The following RNF144A variants were observed in gnomAD, a reference collection of about 807,000 sequenced individuals.
The protein encoded by RNF144A is ring finger protein 144A, also known as E3 ubiquitin-protein ligase RNF144A.
Under a neutral mutation model 38.7 loss-of-function variants are expected in RNF144A, and 11 were observed. The ratio of observed to expected loss-of-function variants is 0.28; its 90% CI spans 0.18 to 0.47. The LOEUF (loss-of-function observed/expected upper bound fraction) is 0.47, where lower values mean the gene tolerates loss of function less well. Ranked by LOEUF, RNF144A falls within the 20% of genes least tolerant of loss-of-function variation. RNF144A has a pLI of 0.99. For synonymous variants in RNF144A, 149 were observed against 143.9 expected (o/e 1.04, Z -0.25); for missense variants, 316 against 377.2 (o/e 0.84, Z 1.34).
chr2:6,976,654 A>G (rs1016447382), intron 2 of RNF144A, among the ~76,000 whole-genome samples: 4 of 148,848 alleles, frequency 2.7e-5, no homozygotes, highest in Non-Finnish European at 4.5e-5. Flanking sequence ...TTTATTATAT[A>G]TACATTTCAT....
Position 7,020,677 on chromosome 2 carries a change from C to G in RNF144A, c.506C>G (p.Thr169Ser), listed in dbSNP as rs1671467009. ...TMPITFLPGE[T>S]SAAFKMEEDD... Reference sequence around the variant, plus strand: ...CCGATCACCTTCCTCCCCGGGGAGACCAGGTACCCTTTGTACACAAGCTGC... The same window carrying G: ...CCGATCACCTTCCTCCCCGGGGAGAGCAGGTACCCTTTGTACACAAGCTGC... Residue 169 changes from threonine to serine, a missense_variant, in exon 6 of 9, where the codon ACC becomes AGC. Thr to Ser is a moderately conservative substitution (Grantham distance 58). Coordinates refer to ENST00000320892, the MANE Select transcript of RNF144A (RefSeq NM_014746.6). 5.6e-6 allele frequency: 9 copies of G among 1,601,916 alleles called. No individual in the cohort carries two copies. The highest frequency in any genetic ancestry group is 1.7e-5 in the Admixed American group (1 of 60,010).
At position 6,917,745 on chromosome 2, in the gene RNF144A, CTGGGTCCTGCCCCGGCGCCCGG is replaced by C. The variant is rs1200835976; in HGVS notation, c.-212+127_-212+148del. 6.7e-6 allele frequency: 1 copy of C among 148,992 alleles called. No individual in the cohort carries two copies. Among genetic ancestry groups the C allele is most frequent in the Non-Finnish European group, 1.5e-5 (1 of 66,906 alleles). The allele number at this position is 148,992 out of a possible 1,614,324, so 9.2% of individuals were successfully genotyped here. A position where few individuals can be genotyped will look rare whatever the true frequency, so the allele number is the denominator to read the frequency against. ...GGGGCTTGCGGCCGCGCCTGCCCCG[CTGGGTCCTGCCCCGGCGCCCGG>C]TGGCAGCGGGCGGGGGGCAGCGTCC... On this transcript the variant is annotated intron_variant, in intron 1 of 8. Transcript: ENST00000320892. This position sits in a 1 kb window ranked among gnomAD's most constrained non-coding sequence, Gnocchi z 4.8.
intron 2 of RNF144A, among the ~76,000 whole-genome samples, chr2:6,987,513 C>T (rs1237752369): frequency 6.6e-6 from 1 of 152,210 alleles, no homozygotes; most frequent in Non-Finnish European, 1.5e-5. Flanking sequence ...CAAAAGAAAA[C>T]AGTTCCATGT....
chr2:6,997,972 G>A (rs1669868323), intron 3 of RNF144A, among the ~76,000 whole-genome samples: 1 of 152,132 alleles, frequency 6.6e-6, no homozygotes. Context: ...TGGTAACTCT[G>A]TGAGATGATG....
chr2:7,044,115 C>T lies in RNF144A; in HGVS notation c.*4355C>T, dbSNP rs961022012. On this transcript the variant is annotated 3_prime_UTR_variant, in exon 9 of 9. Transcript: ENST00000320892. ...ATGTATTGTGTCTTACGTAGTTTGT[C>T]CCCCCCTTTAGCAGGGATTCCTTTT... is the stretch of plus-strand genomic sequence containing the variant. 9.1e-6 allele frequency: 9 copies of T among 984,606 alleles called. No individual in the cohort carries two copies. Among genetic ancestry groups the T allele is most frequent in the Middle Eastern group, 5.2e-4 (1 of 1,934 alleles). The allele number at this position is 984,606 out of a possible 1,614,324, so 61.0% of individuals were successfully genotyped here. A position where few individuals can be genotyped will look rare whatever the true frequency, so the allele number is the denominator to read the frequency against.
intron 1 of RNF144A, among the ~76,000 whole-genome samples, chr2:6,935,700 G>T (rs28586576): frequency 2.9e-5 from 2 of 69,954 alleles, no homozygotes; most frequent in African/African-American, 9.0e-5. Context: ...GCATGTAGAT[G>T]GGATGGCCTC....
At chr2:7,029,471 C>T (rs770434656) in intron 7 of RNF144A, among the ~76,000 whole-genome samples, 36 of 152,326 alleles carry the variant, frequency 2.4e-4, no homozygotes, top group Non-Finnish European at 1.9e-4. Flanking sequence ...ACAGGTGTTC[C>T]TGGAGTGCAG....
chr2:7,062,644 CCAGATAAAGTTTGCT>C (rs1394917122), intron 6 of RNF144A: 5 of 152,070 alleles, frequency 3.3e-5, no homozygotes, highest in African/African-American at 4.8e-5. Flanking sequence ...AGGAAGAGAG[CCAGATAAAGTTTGCT>C]CACCACTGAT....
intron 6 of RNF144A, 80 bp from the exon 7 acceptor site, chr2:7,024,289 G>C (rs188357541): frequency 1.6e-6 from 2 of 1,254,534 alleles, no homozygotes; most frequent in African/African-American, 1.5e-5. Flanking sequence ...AAGTGGAGCC[G>C]ATGCTTCCAG....
downstream of RNF144A, among the ~76,000 whole-genome samples, chr2:7,047,384 C>T (rs889131611): frequency 6.6e-6 from 1 of 152,174 alleles, no homozygotes; most frequent in African/African-American, 2.4e-5. Flanking sequence ...CTTAATTGGA[C>T]TTACAGTTCC....
At chr2:7,065,511 A>C (rs1487283575) in intron 6 of RNF144A, among the ~76,000 whole-genome samples, 1 of 152,240 alleles carries the variant, frequency 6.6e-6, no homozygotes, top group Admixed American at 6.5e-5. Context: ...AAACTGGCTG[A>C]GATTGGATAG....
intron 2 of RNF144A, among the ~76,000 whole-genome samples, chr2:6,966,573 A>G (rs1667679506): frequency 6.6e-6 from 1 of 152,226 alleles, no homozygotes; most frequent in Non-Finnish European, 1.5e-5. Context: ...TGTCTAAAGC[A>G]GCCCACTATA....
chr2:7,032,702 G>C (rs557486594), intron 8 of RNF144A, among the ~76,000 whole-genome samples: 1 of 152,328 alleles, frequency 6.6e-6, no homozygotes, highest in South Asian at 2.1e-4. Context: ...GACATCAGTG[G>C]TATGGGATCG....
At chr2:6,957,634 G>T (rs3772018) in intron 2 of RNF144A, among the ~76,000 whole-genome samples, 8,642 of 152,202 alleles carry the variant, frequency 0.057, 455 homozygotes, top group East Asian at 0.26. Context: ...TTTGCATAGA[G>T]CTGACCCTCA....
In RNF144A at chr2:6,950,649, A is replaced by C. The variant is rs575180986; in HGVS notation, c.-12+9502A>C. On this transcript the variant is annotated intron_variant, in intron 2 of 8. Coordinates refer to ENST00000320892, the MANE Select transcript of RNF144A (RefSeq NM_014746.6). ...TTCTGAAGTGTGATCATACTAATTC[A>C]CATTGCCATCAGCAGTGAATAAGAG... Among the ~76,000 whole-genome samples, 466 of 152,350 alleles carry C rather than the reference A, an allele frequency of 3.1e-3. 5 individuals carry two copies. The highest frequency in any genetic ancestry group is 3.5e-3 in the Non-Finnish European group (236 of 68,036).
intron 1 of RNF144A, among the ~76,000 whole-genome samples, chr2:6,923,164 C>T (rs540993575): frequency 2.2e-4 from 34 of 152,364 alleles, no homozygotes; most frequent in African/African-American, 7.9e-4. Flanking sequence ...GCCAGGGAGG[C>T]AGCAGCGCTT....
intron 6 of RNF144A, among the ~76,000 whole-genome samples, chr2:7,056,451 T>TC (rs1364832917): frequency 2.0e-5 from 3 of 151,886 alleles, no homozygotes; most frequent in Admixed American, 6.6e-5. Context: ...CATTCCTCCA[T>TC]CCCCCCAAAT....
rs752058937 is a variant in RNF144A at position 7,014,520 on chromosome 2, G to A, written c.202G>A (p.Ala68Thr). 7 of 1,609,662 alleles carry A rather than the reference G, an allele frequency of 4.3e-6. No individual in the cohort carries two copies. The highest frequency in any genetic ancestry group is 5.9e-6 in the Non-Finnish European group (7 of 1,178,366). Residue 68 changes from alanine to threonine, a missense_variant, in exon 4 of 9, where the codon GCT (alanine) becomes ACT (threonine). Transcript: ENST00000320892. ...GLETAISCPD[A>T]ACPKQGHLQE... ...AGAAACCGCAATTAGCTGCCCAGATGCTGCCTGCCCTAAACAGGGCCACCT... is the reference window on the plus strand; with the variant it reads ...AGAAACCGCAATTAGCTGCCCAGATACTGCCTGCCCTAAACAGGGCCACCT...
Position 6,930,945 on chromosome 2 carries a change from T to G in RNF144A, c.-211-10003T>G, listed in dbSNP as rs1572204855. Among the ~76,000 whole-genome samples the G allele has an allele frequency of 2.6e-5, 4 of 152,346 alleles. 1 individual carries two copies. The East Asian group carries it at 7.7e-4, about 29-fold the overall frequency. ...CCACCTTATGTCATAAGTGGACATT[T>G]TGCTGCCATGGGATTGAAATGAAAC... On this transcript the variant is annotated intron_variant, in intron 1 of 8. Coordinates refer to ENST00000320892, the MANE Select transcript of RNF144A (RefSeq NM_014746.6).
Sources: gnomAD v4.1 joint callset for allele counts (sites outside exome capture counted in the v4.1 genomes callset) on GRCh38, gnomAD v4.1.1 for gene constraint, Gnocchi (gnomAD v3.1) non-coding constraint, MANE v1.5 for transcripts, NCBI Gene and HGNC (gene_info 2026-07-23, HGNC 2026-07-21) for gene names.